Variants in AGBL4 observed in about 807,000 individuals in gnomAD.
AGBL4 encodes the protein cytosolic carboxypeptidase 6.
AGBL4 carries 58 observed loss-of-function variants against 66.4 expected under a neutral mutation model. That is an observed-to-expected ratio of 0.87 (90% CI 0.71 to 1.09). The LOEUF is 1.09. Ranked by LOEUF, AGBL4 falls within the 50% of genes least tolerant of loss-of-function variation. AGBL4 has a pLI of 0.00. For synonymous variants in AGBL4, 234 were observed against 222.9 expected, an observed-to-expected ratio of 1.05 and a Z score of -0.44; for missense variants, 579 against 631.0, an observed-to-expected ratio of 0.92 and a Z score of 0.88.
rs1052309403 is a variant in AGBL4, at chr1:50,023,913, T to C, written c.-117A>G. ...AGGAAGACGCGGCACGACGGTTGCC[T>C]GGGCAACGGGCGGCAGGCGCGCGGG... is the stretch of plus-strand genomic sequence containing the variant. On this transcript the variant is annotated 5_prime_UTR_variant, in exon 1 of 14. Coordinates refer to ENST00000371839, the MANE Select transcript of AGBL4 (RefSeq NM_032785.4). The C allele has an allele frequency of 7.5e-6, 9 of 1,196,804 alleles. No individual in the cohort carries two copies. The African/African-American group carries it at 8.0e-5, about 11-fold the overall frequency. 74.1% of individuals were successfully genotyped at this position (1,196,804 alleles called of 1,614,324 possible).
At chr1:49,584,763 T>C (rs1267234410) in intron 3 of AGBL4, among the ~76,000 whole-genome samples, 1 of 152,192 alleles carries the variant, frequency 6.6e-6, no homozygotes, top group Non-Finnish European at 1.5e-5. Context: ...AGGGTATATC[T>C]GCCTTTATCA....
chr1:49,939,397 C>T (rs1397277379), intron 1 of AGBL4, among the ~76,000 whole-genome samples: 4 of 152,174 alleles, frequency 2.6e-5, no homozygotes, highest in Non-Finnish European at 5.9e-5. Flanking sequence ...ATTGCCAAGC[C>T]AATCCTAAGC....
At chr1:49,730,061 T>C (rs1462106801) in intron 2 of AGBL4, among the ~76,000 whole-genome samples, 2 of 152,156 alleles carry the variant, frequency 1.3e-5, no homozygotes, top group Non-Finnish European at 2.9e-5. Flanking sequence ...TACCTACAGC[T>C]GGGGCCTCCT....
intron 2 of AGBL4, among the ~76,000 whole-genome samples, chr1:49,784,327 A>G (rs935499305): frequency 6.6e-6 from 1 of 152,116 alleles, no homozygotes; most frequent in African/African-American, 2.4e-5. Flanking sequence ...ATAAATCCTT[A>G]CATTTATGGT....
At chr1:48,720,851 T>C (rs867242684) in intron 6 of AGBL4, among the ~76,000 whole-genome samples, 3 of 151,868 alleles carry the variant, frequency 2.0e-5, no homozygotes, top group Non-Finnish European at 4.4e-5. Flanking sequence ...GAATGAAGGA[T>C]GGAAGAAGAT....
intron 6 of AGBL4, among the ~76,000 whole-genome samples, chr1:48,836,881 G>C (rs1223482640): frequency 6.6e-6 from 1 of 151,440 alleles, no homozygotes; most frequent in Non-Finnish European, 1.5e-5. Flanking sequence ...GCTGGTTGTA[G>C]AGGCTGGGCT....
intron 1 of AGBL4, among the ~76,000 whole-genome samples, chr1:50,019,765 G>A (rs1387833521): frequency 1.3e-5 from 2 of 152,014 alleles, no homozygotes; most frequent in Non-Finnish European, 2.9e-5. Flanking sequence ...GCTTTTTTAA[G>A]ATAGCTGGAA....
chr1:49,055,644 G>C (rs1004003286), intron 4 of AGBL4, among the ~76,000 whole-genome samples: 1 of 152,026 alleles, frequency 6.6e-6, no homozygotes, highest in Non-Finnish European at 1.5e-5. Flanking sequence ...TAATGACATA[G>C]TGTTAGATAT....
intron 11 of AGBL4, among the ~76,000 whole-genome samples, chr1:48,581,627 G>A (rs1644741883): frequency 1.3e-5 from 2 of 152,160 alleles, no homozygotes; most frequent in Admixed American, 1.3e-4. Flanking sequence ...AGGGTTTCCT[G>A]AAGAATGGTT....
chr1:49,568,524 A>ACACACACACACAC (rs750607745), intron 3 of AGBL4, among the ~76,000 whole-genome samples: 4 of 49,896 alleles, frequency 8.0e-5, no homozygotes, highest in Non-Finnish European at 1.9e-4. Context: ...CACACACACA[A>ACACACACACACAC]ATGCCATGCT....
At chr1:48,750,858 G>A (rs943391022) in intron 6 of AGBL4, among the ~76,000 whole-genome samples, 4 of 152,072 alleles carry the variant, frequency 2.6e-5, no homozygotes, top group Non-Finnish European at 5.9e-5. Context: ...GAACTCTGGG[G>A]TTCCTTATAG....
At chr1:49,514,932 C>G (rs913248049) in intron 3 of AGBL4, among the ~76,000 whole-genome samples, 1 of 152,028 alleles carries the variant, frequency 6.6e-6, no homozygotes, top group African/African-American at 2.4e-5. Context: ...ACCATAAAAA[C>G]CCTAGAAGAA....
chr1:49,773,622 G>A (rs1405419108), intron 2 of AGBL4, among the ~76,000 whole-genome samples: 1 of 152,198 alleles, frequency 6.6e-6, no homozygotes, highest in Non-Finnish European at 1.5e-5. Flanking sequence ...CTGGGGCAGG[G>A]TTCCCTGTTG....
chr1:49,655,262 G>T (rs1646100107), intron 3 of AGBL4, among the ~76,000 whole-genome samples: 1 of 152,036 alleles, frequency 6.6e-6, no homozygotes, highest in African/African-American at 2.4e-5. Flanking sequence ...TTGAATATTA[G>T]CCCCCACTCT....
chr1:49,098,124 T>C (rs1645139619), intron 4 of AGBL4, among the ~76,000 whole-genome samples: 1 of 152,228 alleles, frequency 6.6e-6, no homozygotes, highest in Non-Finnish European at 1.5e-5. Context: ...ACTGACTTAC[T>C]GTGGTATAAC....
Position 49,191,563 on chromosome 1 carries a change from T to C in AGBL4, c.377+54207A>G, listed in dbSNP as rs1454398290. ...GGGGTATAAATGATCCCATCACCCA[T>C]GTCATGAGCATAGTACCCAATAGGT... On this transcript the variant is annotated intron_variant, in intron 4 of 13. Transcript: ENST00000371839. 2.6e-5 allele frequency among the ~76,000 whole-genome samples: 4 copies of C among 152,184 alleles called. No individual in the cohort carries two copies. In the East Asian group the frequency reaches 7.7e-4, roughly 29 times the overall value.
chr1:48,686,984 G>C (rs116733600), intron 6 of AGBL4, among the ~76,000 whole-genome samples: 1,573 of 150,980 alleles, frequency 0.01, 33 homozygotes, highest in African/African-American at 0.037. Flanking sequence ...AGGCTTAGCT[G>C]TCTGGTCAGT....
At chr1:49,781,752 T>C (rs1213726994) in intron 2 of AGBL4, among the ~76,000 whole-genome samples, 1 of 152,084 alleles carries the variant, frequency 6.6e-6, no homozygotes, top group Non-Finnish European at 1.5e-5. Context: ...AATATAAAAG[T>C]ATCAATAAAT....
chr1:49,592,363 G>A (rs765061594), intron 3 of AGBL4, among the ~76,000 whole-genome samples: 8 of 152,282 alleles, frequency 5.3e-5, no homozygotes, highest in Non-Finnish European at 1.0e-4. Flanking sequence ...TTGAGGTCAG[G>A]AGTTCAAGGC....
Sources: allele counts gnomAD v4.1 joint callset (sites outside exome capture counted in the v4.1 genomes callset), GRCh38; gene constraint gnomAD v4.1.1; transcripts MANE v1.5; gene names NCBI Gene and HGNC (gene_info 2026-07-23, HGNC 2026-07-21).